The following SAMHD1 variants were observed in gnomAD, a reference collection of about 807,000 sequenced individuals.
SAMHD1 encodes the protein deoxynucleoside triphosphate triphosphohydrolase SAMHD1.
In SAMHD1, 54 loss-of-function variants were observed where a neutral mutation model predicts 79.6. The observed-to-expected ratio is 0.68, with a 90% CI of 0.55 to 0.85. The LOEUF (loss-of-function observed/expected upper bound fraction) is 0.85. Ranked by LOEUF, SAMHD1 falls within the 40% of genes least tolerant of loss-of-function variation. The probability of loss-of-function intolerance (pLI) is 0.00; values close to 1 mark genes in which losing one functional copy is unlikely to be tolerated. For synonymous variants in SAMHD1, 260 were observed against 264.1 expected, an observed-to-expected ratio of 0.98 and a Z score of 0.15; for missense variants, 663 against 782.7, an observed-to-expected ratio of 0.85 and a Z score of 1.82.
At chr20:36,925,155 C>CA (rs1216292694) in intron 6 of SAMHD1, among the ~76,000 whole-genome samples, 994 of 65,680 alleles carry the variant, frequency 0.015, 7 homozygotes, top group African/African-American at 0.042. Context: ...GACTCCATCT[C>CA]AAAAAAAAAA....
At position 36,890,229 on chromosome 20, in the gene SAMHD1, T is replaced by C. The variant is rs1272267161; in HGVS notation, c.*2703A>G. ...GAACACAACTTTCAAGATGGAGATATATATTCACGAAGCTTTATTGCAGCT... is the reference window on the plus strand; with the variant it reads ...GAACACAACTTTCAAGATGGAGATACATATTCACGAAGCTTTATTGCAGCT... On this transcript the variant is annotated 3_prime_UTR_variant, in exon 16 of 16. Coordinates refer to ENST00000646673, the MANE Select transcript of SAMHD1 (RefSeq NM_015474.4). 1 of 152,168 alleles carries C rather than the reference T, an allele frequency of 6.6e-6. No homozygotes were observed. The highest frequency in any genetic ancestry group is 1.5e-5 in the Non-Finnish European group (1 of 68,034). The allele number at this position is 152,168 out of a possible 1,614,324, so 9.4% of individuals were successfully genotyped here. A position where few individuals can be genotyped will look rare whatever the true frequency, so the allele number is the denominator to read the frequency against.
At chr20:36,914,844 A>C (rs1863454272) in intron 9 of SAMHD1, among the ~76,000 whole-genome samples, 2 of 139,904 alleles carry the variant, frequency 1.4e-5, no homozygotes, top group South Asian at 2.2e-4. Flanking sequence ...CTGTCTCTAC[A>C]AAAAAAAAAA....
At chr20:36,930,523 T>G (rs549076926) in intron 5 of SAMHD1, among the ~76,000 whole-genome samples, 2 of 151,908 alleles carry the variant, frequency 1.3e-5, no homozygotes, top group African/African-American at 4.8e-5. Flanking sequence ...AAAAAACCAC[T>G]TTAGCAAAGA....
At chr20:36,933,914 T>C (rs2063583551) in intron 4 of SAMHD1, among the ~76,000 whole-genome samples, 1 of 151,568 alleles carries the variant, frequency 6.6e-6, no homozygotes, top group Non-Finnish European at 1.5e-5. Flanking sequence ...GGCGTGGTGG[T>C]GGGCACCTGT....
chr20:36,908,915 T>A (rs1170737026), intron 11 of SAMHD1, among the ~76,000 whole-genome samples: 1 of 152,142 alleles, frequency 6.6e-6, no homozygotes, highest in Non-Finnish European at 1.5e-5. Context: ...ACGGATTCTG[T>A]AAGCTATGTG....
At chr20:36,940,774 G>C in intron 3 of SAMHD1, 1 of 506,836 alleles carries the variant, frequency 2.0e-6, no homozygotes, top group South Asian at 2.3e-5. Flanking sequence ...CAGACTTGAA[G>C]CAAATTAGGC....
In SAMHD1 at chr20:36,924,445, T is replaced by C. The variant is rs190305925; in HGVS notation, c.696+2737A>G. Reference sequence around the variant, plus strand: ...GAAAAGAAAAAAAAAGAAAAGAGCATAAATCAGGAGGAGGAGGTGATCACA... The same window carrying C: ...GAAAAGAAAAAAAAAGAAAAGAGCACAAATCAGGAGGAGGAGGTGATCACA... On this transcript the variant is annotated intron_variant, in intron 6 of 15. Coordinates refer to ENST00000646673, the MANE Select transcript of SAMHD1 (RefSeq NM_015474.4). Among the ~76,000 whole-genome samples the C allele has an allele frequency of 1.9e-3, 286 of 151,696 alleles. 1 individual carries two copies. The highest frequency in any genetic ancestry group is 6.4e-3 in the African/African-American group (266 of 41,346).
chr20:36,939,928 G>C lies in SAMHD1; in HGVS notation c.348+1111C>G, dbSNP rs536828184. Among the ~76,000 whole-genome samples, 2 of 152,274 alleles carry C rather than the reference G, an allele frequency of 1.3e-5. 1 individual carries two copies. Among genetic ancestry groups the C allele is most frequent in the African/African-American group, 4.8e-5 (2 of 41,562 alleles). ...TTGTGAAAAATGCACATTCTGGCTG[G>C]GCGCAGTGGCTCATGCCTGTAGTCC... On this transcript the variant is annotated intron_variant, in intron 3 of 15. Transcript: ENST00000646673.
At chr20:36,942,620 T>C (rs1388349571) in intron 2 of SAMHD1, among the ~76,000 whole-genome samples, 1 of 151,158 alleles carries the variant, frequency 6.6e-6, no homozygotes, top group African/African-American at 2.4e-5. Flanking sequence ...AATTGACATG[T>C]ATATTTAACG....
chr20:36,931,065 A>T, intron 4 of SAMHD1, 190 bp from the exon 5 acceptor site: 1 of 622,198 alleles, frequency 1.6e-6, no homozygotes, highest in Admixed American at 2.2e-5. Flanking sequence ...CTCTGGCTCA[A>T]TATCACCAAT....
chr20:36,929,748 CTT>C (rs1183727941), intron 5 of SAMHD1, among the ~76,000 whole-genome samples: 2 of 151,996 alleles, frequency 1.3e-5, no homozygotes, highest in African/African-American at 4.8e-5. Context: ...TCCCCTTTCT[CTT>C]TGTCACAGGA....
chr20:36,903,256 G>A (rs2063385298), intron 13 of SAMHD1, among the ~76,000 whole-genome samples: 11 of 151,552 alleles, frequency 7.3e-5, no homozygotes, highest in Admixed American at 7.2e-4. Context: ...TTGGCCTGAG[G>A]TGCAGTGCTG....
In SAMHD1 at chr20:36,947,015, G is replaced by A. The variant is rs7263341; in HGVS notation, c.209-211C>T. ...CAAGAAGCATTTTTTGATAAATCAC[G>A]TGAAAATTTCAAAATTATTTGTGTA... On this transcript the variant is annotated intron_variant, in intron 1 of 15. Coordinates refer to ENST00000646673, the MANE Select transcript of SAMHD1 (RefSeq NM_015474.4). 8.2e-4 allele frequency: 366 copies of A among 446,008 alleles called. 2 individuals are homozygous for A. The highest frequency in any genetic ancestry group is 6.3e-3 in the African/African-American group (312 of 49,672). 27.6% of individuals were successfully genotyped at this position (446,008 alleles called of 1,614,324 possible).
chr20:36,951,585 C>A lies in SAMHD1; in HGVS notation c.59G>T (p.Arg20Ile). ...SKRPRCDDSP[R>I]TPSNTPSAEA... Reference sequence around the variant, plus strand: ...TGCGGAAGGGGTGTTTGAGGGGGTTCTCGGGCTGTCATCGCAACGGGGACG... The same window carrying A: ...TGCGGAAGGGGTGTTTGAGGGGGTTATCGGGCTGTCATCGCAACGGGGACG... The change falls in exon 1 of 16, where the codon AGA (arginine) becomes ATA (isoleucine). Residue 20 changes from arginine (R) to isoleucine (I), a missense_variant. Arg to Ile is a moderately conservative substitution (Grantham distance 97). Coordinates refer to ENST00000646673, the MANE Select transcript of SAMHD1 (RefSeq NM_015474.4). 1 of 1,614,172 alleles carries A rather than the reference C, an allele frequency of 6.2e-7. No individual in the cohort carries two copies. Among genetic ancestry groups the A allele is most frequent in the Non-Finnish European group, 8.5e-7 (1 of 1,180,002 alleles).
chr20:36,902,233 G>A (rs1990319422), intron 13 of SAMHD1, among the ~76,000 whole-genome samples: 1 of 152,044 alleles, frequency 6.6e-6, no homozygotes, highest in East Asian at 1.9e-4. Flanking sequence ...CCAGGCTGGA[G>A]AGCAGTGGCA....
intron 12 of SAMHD1, 111 bp from the exon 13 acceptor site, chr20:36,904,360 T>C: frequency 1.3e-6 from 1 of 781,334 alleles, no homozygotes; most frequent in South Asian, 1.4e-5. Flanking sequence ...CGATTAGAGA[T>C]ATCCTTAACA....
rs515726142 is a variant in SAMHD1, at chr20:36,904,156, C to T, written c.1503+1G>A. 3.1e-6 allele frequency: 5 copies of T among 1,597,140 alleles called. No individual in the cohort carries two copies. The highest frequency in any genetic ancestry group is 4.3e-6 in the Non-Finnish European group (5 of 1,164,610). On this transcript the variant is annotated splice_donor_variant, in intron 13 of 15. Coordinates refer to ENST00000646673, the MANE Select transcript of SAMHD1 (RefSeq NM_015474.4). LOFTEE classifies it high-confidence loss of function. ...AGTTTATTACTGGGCTAATTACTTA[C>T]ATCCACTATAAAATCTTCAGCCTTC...
rs751309562 is a variant in SAMHD1 at position 36,905,383 on chromosome 20, C to A, written c.1391G>T (p.Gly464Val). The A allele has an allele frequency of 4.3e-6, 7 of 1,614,018 alleles. No individual in the cohort carries two copies. The Admixed American group carries it at 1.2e-4, about 27-fold the overall frequency. Reference sequence around the variant, plus strand: ...ACTCACCCTTTTAATCTTTATTTGTCCTGTTGGCTGCGTCTCACCCACATA... The same window carrying A: ...ACTCACCCTTTTAATCTTTATTTGTACTGTTGGCTGCGTCTCACCCACATA... ...FKYVGETQPT[G>V]QIKIKREDYE... Residue 464 changes from glycine to valine, a missense_variant, in exon 12 of 16, where the codon GGA (glycine) becomes GTA (valine). Physicochemically the swap from Gly to Val is moderately radical, Grantham distance 109. Transcript: ENST00000646673.
intron 13 of SAMHD1, 47 bp downstream of exon 13, chr20:36,904,110 A>G: frequency 7.8e-7 from 1 of 1,274,148 alleles, no homozygotes; most frequent in Non-Finnish European, 1.1e-6. Flanking sequence ...TGGGTGCTTT[A>G]TCTTTAAAAC....
Sources: gnomAD v4.1 joint callset for allele counts (sites outside exome capture counted in the v4.1 genomes callset) on GRCh38, gnomAD v4.1.1 for gene constraint, MANE v1.5 for transcripts, NCBI Gene and HGNC (gene_info 2026-07-23, HGNC 2026-07-21) for gene names.